The following TSPOAP1 variants were observed in gnomAD, a reference collection of about 807,000 sequenced individuals.
The protein encoded by TSPOAP1 is peripheral-type benzodiazepine receptor-associated protein 1.
TSPOAP1 carries 87 observed loss-of-function variants against 197.0 expected under a neutral mutation model. The observed-to-expected ratio is 0.44, with a 90% CI of 0.37 to 0.53. The LOEUF (loss-of-function observed/expected upper bound fraction) is 0.53, where lower values mean the gene tolerates loss of function less well. Ranked by LOEUF, TSPOAP1 falls within the 20% of genes least tolerant of loss-of-function variation. TSPOAP1 has a pLI of 0.00. For missense variants in TSPOAP1, 2,174 were observed against 2,411.3 expected, an observed-to-expected ratio of 0.90 and a Z score of 2.06; for synonymous variants, 913 against 998.9, an observed-to-expected ratio of 0.91 and a Z score of 1.62.
In TSPOAP1 at chr17:58,315,932, AATGG is replaced by A. The variant is rs146827199; in HGVS notation, c.2098+87_2098+90del. 2,290 of 606,516 alleles carry A rather than the reference AATGG, an allele frequency of 3.8e-3. 19 individuals carry two copies. Among genetic ancestry groups the A allele is most frequent in the East Asian group, 0.01 (368 of 36,570 alleles). 37.6% of individuals were successfully genotyped at this position (606,516 alleles called of 1,614,324 possible). On this transcript the variant is annotated intron_variant, in intron 16 of 31. Coordinates refer to ENST00000343736, the MANE Select transcript of TSPOAP1 (RefSeq NM_004758.4). ...GGATGGATGGATGGATGGATGGATG[AATGG>A]ATGGATGGATGGATGGATATCCGTC...
chr17:58,325,403 G>T, intron 4 of TSPOAP1, 131 bp downstream of exon 4: 1 of 1,223,716 alleles, frequency 8.2e-7, no homozygotes, highest in Non-Finnish European at 1.1e-6. Flanking sequence ...CCGTTGCCAG[G>T]GGAACCTACT....
At position 58,322,511 on chromosome 17, in the gene TSPOAP1, C is replaced by T. The variant is rs75523853; in HGVS notation, c.1318-99G>A. On this transcript the variant is annotated intron_variant, in intron 9 of 31. Coordinates refer to ENST00000343736, the MANE Select transcript of TSPOAP1 (RefSeq NM_004758.4). This position sits in a 1 kb window ranked among gnomAD's most constrained non-coding sequence, Gnocchi z 5.0. ...CCTCAAACACCATTTGCTCCAGATT[C>T]CTCTATTACAAAGGAAACTGAGCCT... 1 of 1,549,154 alleles carries T rather than the reference C, an allele frequency of 6.5e-7. No homozygotes were observed. The highest frequency in any genetic ancestry group is 2.3e-5 in the East Asian group (1 of 44,334).
chr17:58,302,639 C>T (rs1970749297), intron 31 of TSPOAP1, 192 bp from the exon 32 acceptor site: 2 of 259,924 alleles, frequency 7.7e-6, no homozygotes, highest in Admixed American at 5.3e-5. Flanking sequence ...AGGGTGATGC[C>T]GAGGGAGCAC....
At chr17:58,316,938 T>C (rs1412431228) in intron 14 of TSPOAP1, among the ~76,000 whole-genome samples, 2 of 152,218 alleles carry the variant, frequency 1.3e-5, no homozygotes, top group Non-Finnish European at 2.9e-5. Context: ...GGCTCGCGCC[T>C]ATAATTCCAG....
intron 16 of TSPOAP1, among the ~76,000 whole-genome samples, chr17:58,313,249 C>T (rs984442378): frequency 6.6e-6 from 1 of 152,126 alleles, no homozygotes; most frequent in Non-Finnish European, 1.5e-5. Flanking sequence ...CATTTGAAAA[C>T]TTTTGTGTTA....
At chr17:58,308,264 TGA>T (rs1970970210) in intron 22 of TSPOAP1, among the ~76,000 whole-genome samples, 3 of 152,246 alleles carry the variant, frequency 2.0e-5, no homozygotes, top group Non-Finnish European at 4.4e-5. Context: ...GTCAGCGTCC[TGA>T]AGCCATTACT....
Position 58,326,262 on chromosome 17 carries a change from C to G in TSPOAP1, c.570+31G>C, listed in dbSNP as rs749570472. 1.2e-6 allele frequency: 2 copies of G among 1,611,724 alleles called. No individual in the cohort carries two copies. Among genetic ancestry groups the G allele is most frequent in the African/African-American group, 2.7e-5 (2 of 74,848 alleles). On this transcript the variant is annotated intron_variant, in intron 3 of 31. Transcript: ENST00000343736. The surrounding 1 kb of genome is among the most constrained non-coding windows in gnomAD (Gnocchi z 4.7). ...CTGGCTCCCCTCTTCCTTGGTCACC[C>G]AGCCTCCGCCCAGCAGCCTCCTTTC...
rs1222581985 is a variant in TSPOAP1, at chr17:58,322,796, A to C, written c.1195-20T>G. 1.2e-6 allele frequency: 2 copies of C among 1,612,000 alleles called. No homozygotes were observed. Among genetic ancestry groups the C allele is most frequent in the Non-Finnish European group, 1.7e-6 (2 of 1,179,680 alleles). On this transcript the variant is annotated intron_variant, in intron 8 of 31. Transcript: ENST00000343736. This position sits in a 1 kb window ranked among gnomAD's most constrained non-coding sequence, Gnocchi z 5.0. ...CTCCACCTGGCGAGGGGGCAGTGAC[A>C]GGGAGTTGGGTGGGTGAGCCTTGAC...
At position 58,324,019 on chromosome 17, in the gene TSPOAP1, CTCCTGGCT is replaced by C. The variant is rs1251122094; in HGVS notation, c.943-482_943-475del. On this transcript the variant is annotated intron_variant, in intron 5 of 31. Transcript: ENST00000343736. This position sits in a 1 kb window ranked among gnomAD's most constrained non-coding sequence, Gnocchi z 5.8. ...GCAGCGCAAGTCCAGCCAGACCCTT[CTCCTGGCT>C]TCCCCCAAGCCCACCCTACCACACC... is the stretch of plus-strand genomic sequence containing the variant. 1.3e-5 allele frequency among the ~76,000 whole-genome samples: 2 copies of C among 152,186 alleles called. No individual in the cohort carries two copies. Among genetic ancestry groups the C allele is most frequent in the Non-Finnish European group, 2.9e-5 (2 of 68,026 alleles).
intron 7 of TSPOAP1, 76 bp downstream of exon 7, chr17:58,323,222 G>T: frequency 6.4e-7 from 1 of 1,557,114 alleles, no homozygotes; most frequent in Non-Finnish European, 8.8e-7. Flanking sequence ...TGGGAGCAGA[G>T]CTGAGAGGGA....
rs779638926 is a variant in TSPOAP1 at position 58,309,430 on chromosome 17, C to G, written c.3892-50G>C. 2 of 1,552,244 alleles carry G rather than the reference C, an allele frequency of 1.3e-6. No homozygotes were observed. Among genetic ancestry groups the G allele is most frequent in the Non-Finnish European group, 1.7e-6 (2 of 1,152,318 alleles). On this transcript the variant is annotated intron_variant, in intron 21 of 31. Coordinates refer to ENST00000343736, the MANE Select transcript of TSPOAP1 (RefSeq NM_004758.4). This position sits in a 1 kb window ranked among gnomAD's most constrained non-coding sequence, Gnocchi z 5.0. ...TAGAACACAGCAGGGAAGAGAGATG[C>G]GTGGGGAAGAGGAGAGCGAGCTGCG... is the stretch of plus-strand genomic sequence containing the variant.
chr17:58,322,307 C>T lies in TSPOAP1; in HGVS notation c.1422+1G>A, dbSNP rs1971425430. ...GCCAGCTTCCCTCACTGCCGCCCCA[C>T]CTGCTGCAGTCTCCGGACCTCCTCC... On this transcript the variant is annotated splice_donor_variant, in intron 10 of 31. Transcript: ENST00000343736. LOFTEE classifies it high-confidence loss of function. This position sits in a 1 kb window ranked among gnomAD's most constrained non-coding sequence, Gnocchi z 5.0. The T allele has an allele frequency of 6.2e-7, 1 of 1,602,312 alleles. No individual in the cohort carries two copies. Among genetic ancestry groups the T allele is most frequent in the Non-Finnish European group, 8.5e-7 (1 of 1,179,656 alleles).
Position 58,309,987 on chromosome 17 carries a change from T to C in TSPOAP1, c.3871A>G (p.Ile1291Val). The C allele has an allele frequency of 3.7e-6, 6 of 1,613,488 alleles. No homozygotes were observed. Among genetic ancestry groups the C allele is most frequent in the Non-Finnish European group, 5.1e-6 (6 of 1,179,756 alleles). The stretch of plus-strand genomic sequence containing the variant: ...GTTACCTTGGCCCCATTCTCCCTGA[T>C]GCTGTTGCCAGCAACCTGCTTCTGG... ...SFQKQVAGNSIRENGAKSQPD... is the reference protein window; with the variant it reads ...SFQKQVAGNSVRENGAKSQPD... Residue 1291 changes from isoleucine to valine, a missense_variant, in exon 21 of 32, where the codon ATC becomes GTC. By Grantham distance (29) the Ile-to-Val change is conservative (BLOSUM62 3). Around this residue, in one of 5 missense-constraint regions of TSPOAP1, gnomAD observed 1,933 missense variants for 2,139.0 expected, o/e 0.90. Transcript: ENST00000343736. This position sits in a 1 kb window ranked among gnomAD's most constrained non-coding sequence, Gnocchi z 5.0.
In TSPOAP1 at chr17:58,322,162, G is replaced by T. The variant is rs1224560118; in HGVS notation, c.1422+146C>A. 1.5e-5 allele frequency: 11 copies of T among 729,206 alleles called. No individual in the cohort carries two copies. Among genetic ancestry groups the T allele is most frequent in the Non-Finnish European group, 2.5e-5 (11 of 443,022 alleles). The allele number at this position is 729,206 out of a possible 1,614,324, so 45.2% of individuals were successfully genotyped here. A position where few individuals can be genotyped will look rare whatever the true frequency, so the allele number is the denominator to read the frequency against. On this transcript the variant is annotated intron_variant, in intron 10 of 31. Transcript: ENST00000343736. The surrounding 1 kb of genome is among the most constrained non-coding windows in gnomAD (Gnocchi z 5.0). ...TCAGCTCACTCCTGGATGCTAATTT[G>T]CTGACTGCTCAGGGACCTGGTCTTT...
intron 16 of TSPOAP1, among the ~76,000 whole-genome samples, 193 bp downstream of exon 16, chr17:58,315,830 C>T (rs1279521873): frequency 6.6e-6 from 1 of 152,006 alleles, no homozygotes; most frequent in Non-Finnish European, 1.5e-5. Context: ...GCTACTAGGT[C>T]TCTGTATGCC....
At chr17:58,320,748 G>A (rs533596457) in intron 10 of TSPOAP1, among the ~76,000 whole-genome samples, 167 bp from the exon 11 acceptor site, 30 of 152,138 alleles carry the variant, frequency 2.0e-4, no homozygotes, top group East Asian at 5.8e-4. Flanking sequence ...GGGGGAGGCC[G>A]AAGGGTTTCT....
Position 58,308,613 on chromosome 17 carries a change from T to C in TSPOAP1, c.4659A>G (p.Pro1553=). The C allele has an allele frequency of 1.3e-6, 2 of 1,598,824 alleles. No individual in the cohort carries two copies. Among genetic ancestry groups the C allele is most frequent in the East Asian group, 4.5e-5 (2 of 44,550 alleles). Reference sequence around the variant, plus strand: ...GCTCTGGTTCCCCTTTCTCCCAGGCTGGGAGGCGTGGGTAGGGCTTGGGGC... The same window carrying C: ...GCTCTGGTTCCCCTTTCTCCCAGGCCGGGAGGCGTGGGTAGGGCTTGGGGC... ...NSGPKPYPRL[P]AWEKGEPERR... The change falls in exon 22 of 32, where the codon CCA becomes CCG. Residue 1553 remains proline (P), a synonymous_variant. Coordinates refer to ENST00000343736, the MANE Select transcript of TSPOAP1 (RefSeq NM_004758.4).
At chr17:58,320,422 C>A in intron 11 of TSPOAP1, 109 bp downstream of exon 11, 2 of 1,284,828 alleles carry the variant, frequency 1.6e-6, no homozygotes, top group Non-Finnish European at 2.1e-6. Flanking sequence ...TTTAAGGGCC[C>A]CTCCTGCAAC....
At chr17:58,302,902 C>T (rs1376743270) in intron 31 of TSPOAP1, 1 of 153,030 alleles carries the variant, frequency 6.5e-6, no homozygotes, top group African/African-American at 2.4e-5. Context: ...CCCTCATAGA[C>T]AGAAAGAGCG....
Sources: gnomAD v4.1 joint callset for allele counts (sites outside exome capture counted in the v4.1 genomes callset) on GRCh38, gnomAD v4.1.1 for gene constraint, gnomAD v4.1.1 regional missense constraint, Gnocchi (gnomAD v3.1) non-coding constraint, MANE v1.5 for transcripts, NCBI Gene and HGNC (gene_info 2026-07-23, HGNC 2026-07-21) for gene names.